The following PDGFA variants were observed in gnomAD, a reference collection of about 807,000 sequenced individuals.
The protein encoded by PDGFA is platelet derived growth factor subunit A, also known as platelet-derived growth factor subunit A.
In PDGFA, 9 loss-of-function variants were observed where a neutral mutation model predicts 25.6. That is an observed-to-expected ratio of 0.35 (90% CI 0.21 to 0.61). The LOEUF (loss-of-function observed/expected upper bound fraction) is 0.61. PDGFA is among the 20% of genes least tolerant of loss of function. The pLI, the probability that PDGFA is intolerant of heterozygous loss-of-function variation, is 0.75. For missense variants in PDGFA, 242 were observed against 272.8 expected (o/e 0.89, Z 0.79); for synonymous variants, 133 against 111.8 (o/e 1.19, Z -1.20).
intron 1 of PDGFA, 38 bp downstream of exon 1, chr7:518,901 G>C: frequency 7.1e-7 from 1 of 1,416,274 alleles, no homozygotes; most frequent in Middle Eastern, 2.4e-4. Context: ...TGCGCCGGAG[G>C]AGCCGGCGCA....
intron 5 of PDGFA, among the ~76,000 whole-genome samples, chr7:498,934 C>A (rs1426086073): frequency 6.6e-6 from 1 of 152,236 alleles, no homozygotes; most frequent in Non-Finnish European, 1.5e-5. Context: ...GCTCTGGCAG[C>A]CACCTTGGGC....
At chr7:507,816 C>G (rs914615810) in intron 4 of PDGFA, among the ~76,000 whole-genome samples, 1 of 152,164 alleles carries the variant, frequency 6.6e-6, no homozygotes, top group South Asian at 2.1e-4. Context: ...GCCAGGGGGG[C>G]TCATGCCAGG....
Position 500,756 on chromosome 7 carries a change from C to G in PDGFA, c.580+360G>C, listed in dbSNP as rs979355439. ...AGCCAGCCAGGGCAACTGCAGTCCT[C>G]GAACCTGCTCCTCCCGCCCACCCTG... On this transcript the variant is annotated intron_variant, in intron 5 of 5. Transcript: ENST00000402802. The surrounding 1 kb of genome is among the most constrained non-coding windows in gnomAD (Gnocchi z 5.0). The G allele has an allele frequency of 2.4e-5, 35 of 1,439,102 alleles. No individual in the cohort carries two copies. The highest frequency in any genetic ancestry group is 3.1e-5 in the Non-Finnish European group (34 of 1,099,834). 89.1% of individuals were successfully genotyped at this position (1,439,102 alleles called of 1,614,324 possible).
chr7:519,750 C>T (rs964035236), upstream of PDGFA, among the ~76,000 whole-genome samples: 1 of 145,814 alleles, frequency 6.9e-6, no homozygotes, highest in Admixed American at 6.8e-5. Context: ...AAGGCCGAGT[C>T]GGCGCCTCCG....
intron 4 of PDGFA, 42 bp downstream of exon 4, chr7:510,767 A>AGGAGAGGAGG: frequency 6.2e-6 from 3 of 480,666 alleles, no homozygotes; most frequent in South Asian, 2.3e-5. Flanking sequence ...GGGAGAGGAG[A>AGGAGAGGAGG]GGAGGGGAGG....
At chr7:502,307 G>C (rs1782376473) in intron 4 of PDGFA, among the ~76,000 whole-genome samples, 1 of 152,126 alleles carries the variant, frequency 6.6e-6, no homozygotes, top group South Asian at 2.1e-4. Context: ...CTGTGGACTT[G>C]AGCGTCCAGA....
chr7:508,337 C>T (rs1782653675), intron 4 of PDGFA, among the ~76,000 whole-genome samples: 2 of 151,934 alleles, frequency 1.3e-5, no homozygotes, highest in African/African-American at 4.8e-5. Flanking sequence ...GTCACCAAAT[C>T]CTCAGCTGAC....
At chr7:497,562 C>T (rs977003701) in exon 6 of PDGFA, 1 of 152,190 alleles carries the variant, frequency 6.6e-6, no homozygotes, top group Non-Finnish European at 1.5e-5. Context: ...ACACAGCATT[C>T]TAGGTGTGCA....
At chr7:502,384 C>A (rs1424860326) in intron 4 of PDGFA, among the ~76,000 whole-genome samples, 2 of 152,124 alleles carry the variant, frequency 1.3e-5, no homozygotes, top group African/African-American at 4.8e-5. Flanking sequence ...GCAGGGCCAG[C>A]AGACCCATAC....
At chr7:518,740 G>C (rs1783223102) in intron 1 of PDGFA, among the ~76,000 whole-genome samples, 199 bp downstream of exon 1, 1 of 152,198 alleles carries the variant, frequency 6.6e-6, no homozygotes, top group Non-Finnish European at 1.5e-5. Context: ...CCCCGAGGCA[G>C]AGCGACCGAC....
intron 3 of PDGFA, 73 bp downstream of exon 3, chr7:512,278 C>T (rs1022507720): frequency 1.1e-5 from 16 of 1,409,868 alleles, no homozygotes; most frequent in Non-Finnish European, 1.6e-5. Flanking sequence ...CCCGGCCCTG[C>T]CCTGCCCATC....
chr7:501,715 G>A (rs539881858), intron 4 of PDGFA, among the ~76,000 whole-genome samples: 20 of 152,136 alleles, frequency 1.3e-4, no homozygotes, highest in Non-Finnish European at 5.9e-5. Flanking sequence ...GAGCCGCCGC[G>A]CCTGGTGTTG....
chr7:509,726 G>A (rs1233276013), intron 4 of PDGFA, among the ~76,000 whole-genome samples: 3 of 152,176 alleles, frequency 2.0e-5, no homozygotes, highest in Non-Finnish European at 4.4e-5. Context: ...AGAAAACACG[G>A]CTCCAGCGGA....
At chr7:519,126 G>T (rs538298439) in exon 1 of PDGFA, 1 of 652,258 alleles carries the variant, frequency 1.5e-6, no homozygotes, top group African/African-American at 1.9e-5. Flanking sequence ...GGAGGGTGGC[G>T]CGGGGAGCAC....
At chr7:501,188 T>C (rs1386940572) in exon 5 of PDGFA, 1 of 1,614,178 alleles carries the variant, frequency 6.2e-7, no homozygotes. Flanking sequence ...TCCTCTAACC[T>C]CACCTGGACT....
At chr7:511,028 C>T (rs375545794) in intron 3 of PDGFA, 32 bp from the exon 4 acceptor site, 29 of 1,578,044 alleles carry the variant, frequency 1.8e-5, no homozygotes, top group South Asian at 7.8e-5. Flanking sequence ...GAGCGGGGAC[C>T]GGCCTCTGCG....
chr7:500,465 T>C lies in PDGFA; in HGVS notation c.580+651A>G, dbSNP rs1183084001. ...TGCTTTAGGTGGGTTTTAACCTTTT[T>C]CTTTTCCGTTTTTTACCTGACTCCC... On this transcript the variant is annotated intron_variant, in intron 5 of 5. Transcript: ENST00000402802. The surrounding 1 kb of genome is among the most constrained non-coding windows in gnomAD (Gnocchi z 5.0). The C allele has an allele frequency of 6.2e-7, 1 of 1,614,094 alleles. No individual in the cohort carries two copies. Among genetic ancestry groups the C allele is most frequent in the Non-Finnish European group, 8.5e-7 (1 of 1,180,028 alleles).
At chr7:501,838 T>A (rs1782353810) in intron 4 of PDGFA, among the ~76,000 whole-genome samples, 1 of 152,044 alleles carries the variant, frequency 6.6e-6, no homozygotes, top group South Asian at 2.1e-4. Context: ...AGTTTGGGAG[T>A]TCTGGGGTGC....
intron 5 of PDGFA, among the ~76,000 whole-genome samples, chr7:499,367 C>T (rs1438132335): frequency 6.6e-6 from 1 of 152,260 alleles, no homozygotes; most frequent in Non-Finnish European, 1.5e-5. Context: ...TCCCACATTG[C>T]AAACAGGAGC....
Sources: allele counts gnomAD v4.1 joint callset (sites outside exome capture counted in the v4.1 genomes callset), GRCh38; gene constraint gnomAD v4.1.1; non-coding constraint Gnocchi (gnomAD v3.1); transcripts MANE v1.5; gene names NCBI Gene and HGNC (gene_info 2026-07-23, HGNC 2026-07-21).